DHX15: variants seen among roughly 807,000 people sequenced by gnomAD.
The protein encoded by DHX15 is DEAH-box helicase 15.
A neutral mutation model predicts 94.4 loss-of-function variants in DHX15; 11 were observed. That is an observed-to-expected ratio of 0.12 (90% confidence interval 0.07 to 0.19). The LOEUF is 0.19. DHX15 is among the 10% of genes least tolerant of loss of function. The pLI is 1.00. For synonymous variants in DHX15, 338 were observed against 329.9 expected, an observed-to-expected ratio of 1.02 and a Z score of -0.27; for missense variants, 304 against 988.5, an observed-to-expected ratio of 0.31 and a Z score of 9.29.
chr4:24,577,258 C>T (rs1045055979), intron 1 of DHX15, among the ~76,000 whole-genome samples: 1 of 152,134 alleles, frequency 6.6e-6, no homozygotes, highest in Non-Finnish European at 1.5e-5. Flanking sequence ...GGTTGTAATG[C>T]AAAGTGAAAA....
chr4:24,546,902 T>G (rs961279162), intron 6 of DHX15, among the ~76,000 whole-genome samples: 7 of 152,000 alleles, frequency 4.6e-5, no homozygotes, highest in African/African-American at 1.7e-4. Context: ...ATTAGAACAG[T>G]TTAACAAAAA....
chr4:24,532,835 A>C, intron 12 of DHX15, 29 bp downstream of exon 12: 3 of 1,492,388 alleles, frequency 2.0e-6, no homozygotes, highest in Non-Finnish European at 2.7e-6. Flanking sequence ...ATGAATACTT[A>C]GTTATTCATT....
intron 1 of DHX15, among the ~76,000 whole-genome samples, chr4:24,577,758 A>C (rs997540164): frequency 2.0e-5 from 3 of 152,130 alleles, no homozygotes; most frequent in African/African-American, 7.2e-5. Flanking sequence ...TGTGGCTGAA[A>C]GCAGCCTCTG....
intron 1 of DHX15, among the ~76,000 whole-genome samples, chr4:24,579,744 T>C (rs927967232): frequency 3.9e-5 from 6 of 152,232 alleles, no homozygotes; most frequent in African/African-American, 1.4e-4. Flanking sequence ...ACATTGCAAA[T>C]GCCCAATATC....
intron 3 of DHX15, among the ~76,000 whole-genome samples, chr4:24,566,439 C>A (rs1721994089): frequency 6.6e-6 from 1 of 152,186 alleles, no homozygotes; most frequent in Admixed American, 6.5e-5. Flanking sequence ...TCCAGAGGCA[C>A]CAAAGAATCC....
At chr4:24,548,140 CTTTTTTTT>C (rs71196189) in intron 6 of DHX15, among the ~76,000 whole-genome samples, 1 of 108,164 alleles carries the variant, frequency 9.2e-6, no homozygotes, top group Non-Finnish European at 1.8e-5. Context: ...ATCAGTGCTA[CTTTTTTTT>C]TTTTTTTTTT....
chr4:24,577,740 A>G lies in DHX15; in HGVS notation c.72-1062T>C, dbSNP rs187370096. On this transcript the variant is annotated intron_variant, in intron 1 of 13. Coordinates refer to ENST00000336812, the MANE Select transcript of DHX15 (RefSeq NM_001358.3). ...CAAGCAGAATGGCTGCAGGTTGTTC[A>G]TATGCGTTGTGGCTGAAAGCAGCCT... 5.3e-3 allele frequency among the ~76,000 whole-genome samples: 807 copies of G among 152,266 alleles called. 4 individuals carry two copies. The highest frequency in any genetic ancestry group is 8.6e-3 in the Non-Finnish European group (586 of 68,026).
At chr4:24,549,968 C>T (rs1292758402) in intron 5 of DHX15, among the ~76,000 whole-genome samples, 1 of 151,718 alleles carries the variant, frequency 6.6e-6, no homozygotes, top group African/African-American at 2.4e-5. Flanking sequence ...TGGCACATGC[C>T]TGTAATCCCA....
intron 1 of DHX15, among the ~76,000 whole-genome samples, chr4:24,582,955 C>A (rs555154881): frequency 4.3e-4 from 66 of 152,286 alleles, no homozygotes; most frequent in African/African-American, 1.5e-3. Flanking sequence ...ATGTGACATG[C>A]TTTTGCTTTC....
chr4:24,570,659 A>C lies in DHX15; in HGVS notation c.696T>G (p.Ile232Met). ...ATTAAAGATATAGTACTTACTTAAG[A>C]ATGGTTTTTGCACTACTGCAGTCTT... ...RFEDCSSAKTILKYMTDGMLL... is the reference protein window; with the variant it reads ...RFEDCSSAKTMLKYMTDGMLL... The change falls in exon 3 of 14, where the codon ATT (isoleucine) becomes ATG (methionine). Residue 232 changes from isoleucine (I) to methionine (M), a missense_variant. Coordinates refer to ENST00000336812, the MANE Select transcript of DHX15 (RefSeq NM_001358.3). 1 of 1,614,040 alleles carries C rather than the reference A, an allele frequency of 6.2e-7. No homozygotes were observed. The highest frequency in any genetic ancestry group is 8.5e-7 in the Non-Finnish European group (1 of 1,179,950).
At chr4:24,533,736 C>T (rs1721138129) in intron 11 of DHX15, 1 of 152,208 alleles carries the variant, frequency 6.6e-6, no homozygotes, top group African/African-American at 2.4e-5. Context: ...AAGAGCTCAA[C>T]CTGTAGCATC....
At chr4:24,554,697 T>C (rs1327469417) in intron 5 of DHX15, 28 bp downstream of exon 5, 2 of 1,570,458 alleles carry the variant, frequency 1.3e-6, no homozygotes, top group African/African-American at 2.7e-5. Flanking sequence ...TGTCAAAAGC[T>C]AAATAATGAA....
intron 11 of DHX15, among the ~76,000 whole-genome samples, chr4:24,535,425 A>C (rs1721172902): frequency 6.6e-6 from 1 of 152,188 alleles, no homozygotes; most frequent in Non-Finnish European, 1.5e-5. Flanking sequence ...TGTTTCGCAT[A>C]GAAGAGGAAT....
intron 2 of DHX15, among the ~76,000 whole-genome samples, chr4:24,575,356 CAA>C (rs1355041560): frequency 2.0e-5 from 3 of 152,076 alleles, no homozygotes; most frequent in African/African-American, 7.2e-5. Flanking sequence ...CTGAATTTTT[CAA>C]AGTTTCTACA....
At chr4:24,547,422 CA>C (rs984195926) in intron 6 of DHX15, among the ~76,000 whole-genome samples, 2 of 152,076 alleles carry the variant, frequency 1.3e-5, no homozygotes, top group African/African-American at 4.8e-5. Flanking sequence ...AAAACAGAAA[CA>C]AAAACTTTAA....
chr4:24,537,168 G>T lies in DHX15; in HGVS notation c.1792C>A (p.Gln598Lys). ...LSITAMLSVP[Q>K]CFVRPTEAKK... The stretch of plus-strand genomic sequence containing the variant: ...GCCTCCGTGGGGCGAACAAAACACT[G>T]TGGGACTAAACAAGGTTGGTATGGG... The change falls in exon 11 of 14, where the codon CAG (glutamine) becomes AAG (lysine). Residue 598 changes from glutamine (Q) to lysine (K), a missense_variant. By Grantham distance (53) the Gln-to-Lys change is moderately conservative. Around this residue, in one of 9 missense-constraint regions of DHX15, gnomAD observed 44 missense variants for 236.7 expected, o/e 0.19. Transcript: ENST00000336812. The surrounding 1 kb of genome is among the most constrained non-coding windows in gnomAD (Gnocchi z 4.7). 1 of 1,613,754 alleles carries T rather than the reference G, an allele frequency of 6.2e-7. No individual in the cohort carries two copies. The highest frequency in any genetic ancestry group is 8.5e-7 in the Non-Finnish European group (1 of 1,179,818).
At chr4:24,531,947 G>A (rs941254067) in intron 12 of DHX15, among the ~76,000 whole-genome samples, 61 of 152,122 alleles carry the variant, frequency 4.0e-4, no homozygotes, top group African/African-American at 1.4e-3. Context: ...CTGAAACTGA[G>A]TGTCCTCAGG....
chr4:24,568,126 CTA>C (rs1193786264), intron 3 of DHX15, among the ~76,000 whole-genome samples: 2 of 152,212 alleles, frequency 1.3e-5, no homozygotes, highest in African/African-American at 4.8e-5. Flanking sequence ...TGCTCTCAAA[CTA>C]TGGTTAAATT....
rs532917709 is a variant in DHX15, at chr4:24,580,062, C to T, written c.72-3384G>A. Among the ~76,000 whole-genome samples, 7 of 152,304 alleles carry T rather than the reference C, an allele frequency of 4.6e-5. No individual in the cohort carries two copies. In the East Asian group the frequency reaches 1.2e-3, roughly 25 times the overall value. On this transcript the variant is annotated intron_variant, in intron 1 of 13. Transcript: ENST00000336812. ...TACTGGCATGAGCCACCGCGCCCCA[C>T]CAATATTGGTTATTATTAAAGATCT... is the stretch of plus-strand genomic sequence containing the variant.
Sources: allele counts gnomAD v4.1 joint callset (sites outside exome capture counted in the v4.1 genomes callset), GRCh38; gene constraint gnomAD v4.1.1; regional missense constraint gnomAD v4.1.1; non-coding constraint Gnocchi (gnomAD v3.1); transcripts MANE v1.5; gene names NCBI Gene and HGNC (gene_info 2026-07-23, HGNC 2026-07-21).